Variants in TTN observed in about 807,000 individuals in gnomAD.
TTN encodes connectin.
Under a neutral mutation model 3,223.0 loss-of-function variants are expected in TTN, and 1,525 were observed. That is an observed-to-expected ratio of 0.47 (90% CI 0.45 to 0.49). TTN has a LOEUF of 0.49. Among genes scored for constraint, TTN ranks in the 20% least tolerant of loss-of-function variants. The pLI is 0.00. For missense variants in TTN, 40,786 were observed against 43,424.0 expected, an observed-to-expected ratio of 0.94 and a Z score of 5.40; for synonymous variants, 14,094 against 15,161.0, an observed-to-expected ratio of 0.93 and a Z score of 5.17.
At chr2:178,606,963 A>G (rs768226371) in intron 278 of TTN, 58 bp downstream of exon 278, 4 of 1,558,530 alleles carry the variant, frequency 2.6e-6, no homozygotes, top group Non-Finnish European at 3.4e-6. Context: ...AGCTCAGTAA[A>G]TAATATAACT....
intron 239 of TTN, 35 bp from the exon 240 acceptor site, chr2:178,629,478 CAT>C: frequency 6.2e-7 from 1 of 1,610,490 alleles, no homozygotes. Flanking sequence ...TTGCGTTACT[CAT>C]TTTGTAATCC....
chr2:178,688,443 T>G (rs1400294318), intron 126 of TTN, among the ~76,000 whole-genome samples: 1 of 152,218 alleles, frequency 6.6e-6, no homozygotes, highest in Non-Finnish European at 1.5e-5. Context: ...GTGGCCACTT[T>G]CAAAATTATA....
chr2:178,579,456 A>C, intron 319 of TTN, 63 bp from the exon 320 acceptor site: 1 of 1,561,962 alleles, frequency 6.4e-7, no homozygotes. Context: ...TTTTTCAAAT[A>C]GTTCTAGCTT....
In TTN at chr2:178,770,684, A is replaced by G. The variant is rs777900623; in HGVS notation, c.8117-9T>C. On this transcript the variant is annotated splice_polypyrimidine_tract_variant and intron_variant, in intron 34 of 362. Coordinates refer to ENST00000589042, the MANE Select transcript of TTN (RefSeq NM_001267550.2). ...CTTCTTAATTTTGACAGCTAAAGACAAATTTATGATTGGGTTAGAAAATAT... is the reference window on the plus strand; with the variant it reads ...CTTCTTAATTTTGACAGCTAAAGACGAATTTATGATTGGGTTAGAAAATAT... 5.0e-6 allele frequency: 8 copies of G among 1,608,926 alleles called. No individual in the cohort carries two copies. Among genetic ancestry groups the G allele is most frequent in the Non-Finnish European group, 6.8e-6 (8 of 1,179,896 alleles).
chr2:178,599,390 T>C lies in TTN; in HGVS notation c.56403A>G (p.Gln18801=), dbSNP rs553313488. The change falls in exon 290 of 363, where the codon CAA becomes CAG. Residue 18801 remains glutamine (Q), a synonymous_variant. Transcript: ENST00000589042. ...PIKFESVSAD[Q]MTLSWFPPKD... ...TAGGTGGAAACCAAGATAGTGTCAT[T>C]TGATCTGCTGAAACAGATTCAAATT... The C allele has an allele frequency of 5.7e-5, 91 of 1,588,244 alleles. No homozygotes were observed. The highest frequency in any genetic ancestry group is 1.6e-4 in the Admixed American group (9 of 55,710).
chr2:178,746,609 G>A (rs1163439649), intron 47 of TTN: 3 of 1,613,208 alleles, frequency 1.9e-6, no homozygotes, highest in Admixed American at 1.7e-5. Flanking sequence ...AAAGCTCTTT[G>A]CTTCCCCTAT....
chr2:178,665,847 C>A, intron 163 of TTN, 56 bp from the exon 164 acceptor site: 1 of 872,074 alleles, frequency 1.1e-6, no homozygotes, highest in Non-Finnish European at 1.5e-6. Flanking sequence ...TAAAGAGTTC[C>A]CATCTTAACT....
At chr2:178,761,406 A>G (rs2089168551) in intron 43 of TTN, among the ~76,000 whole-genome samples, 1 of 152,198 alleles carries the variant, frequency 6.6e-6, no homozygotes, top group Non-Finnish European at 1.5e-5. Flanking sequence ...AAACTTTAGC[A>G]CGGCCTTTGC....
Position 178,566,122 on chromosome 2 carries a change from T to C in TTN, c.80010A>G (p.Gly26670=). 4 of 1,613,698 alleles carry C rather than the reference T, an allele frequency of 2.5e-6. No individual in the cohort carries two copies. Among genetic ancestry groups the C allele is most frequent in the South Asian group, 1.1e-5 (1 of 91,080 alleles). Residue 26670 remains glycine, a synonymous_variant, in exon 326 of 363, where the codon GGA becomes GGG. Transcript: ENST00000589042. Reference sequence around the variant, plus strand: ...TCACAGTTACAAAAGCAGACTTTGATCCACTGCTGTTTTCCAACTTAAGAA... The same window carrying C: ...TCACAGTTACAAAAGCAGACTTTGACCCACTGCTGTTTTCCAACTTAAGAA... ...KYILKLENSS[G]SKSAFVTVKV...
Position 178,718,747 on chromosome 2 carries a change from G to A in TTN, c.24453C>T (p.Leu8151=), listed in dbSNP as rs772386098. ...QPLESGDYSC[L]VTNDAGSASC... ...AAGCACTGCCAGCATCATTTGTAAC[G>A]AGGCAAGAATAGTCTCCACTTTCTA... Residue 8151 remains leucine (L), a synonymous_variant, in exon 84 of 363, where the codon CTC becomes CTT. Transcript: ENST00000589042. 24 of 1,613,632 alleles carry A rather than the reference G, an allele frequency of 1.5e-5. No homozygotes were observed. The highest frequency in any genetic ancestry group is 1.9e-5 in the Non-Finnish European group (23 of 1,179,738).
rs1256386421 is a variant in TTN at position 178,741,389 on chromosome 2, G to A, written c.11844C>T (p.Arg3948=). 5 of 1,613,788 alleles carry A rather than the reference G, an allele frequency of 3.1e-6. No individual in the cohort carries two copies. The highest frequency in any genetic ancestry group is 4.2e-6 in the Non-Finnish European group (5 of 1,179,854). ...AGATGGCAGGAAGCCCTTGAGCACA[G>A]CGAATTGGTTTTAACTCCTTAAGGA... ...PHFLKELKPI[R]CAQGLPAIFE... is the part of the protein sequence containing the mutation. Residue 3948 remains arginine (R), a synonymous_variant, in exon 48 of 363, where the codon CGC becomes CGT. Transcript: ENST00000589042.
At position 178,555,030 on chromosome 2, in the gene TTN, C is replaced by G; in HGVS notation, c.88429G>C (p.Asp29477His). The change falls in exon 331 of 363, where the codon GAT becomes CAT. Residue 29477 changes from aspartate to histidine, a missense_variant. Coordinates refer to ENST00000589042, the MANE Select transcript of TTN (RefSeq NM_001267550.2). ...KPAPTIEWYK[D>H]DKELQTNALV... ...GCATTGGTTTGTAATTCTTTATCAT[C>G]TTTATACCACTCAATAGTAGGCGCA... The G allele has an allele frequency of 1.2e-6, 2 of 1,613,762 alleles. No individual in the cohort carries two copies. The highest frequency in any genetic ancestry group is 1.1e-5 in the South Asian group (1 of 91,076).
rs72648970 is a variant in TTN, at chr2:178,721,877, C to G, written c.22786G>C (p.Asp7596His). 0.034 allele frequency: 54,430 copies of G among 1,612,374 alleles called. 1,074 individuals carry two copies. Among genetic ancestry groups the G allele is most frequent in the South Asian group, 0.047 (4,263 of 90,778 alleles). ...ACACTGAGCTGAGCTGAGCACATGT[C>G]TTTGCCAACATCATTGGTTGCTTGG... ...TCQATNDVGK[D>H]MCSAQLSVKE... The change falls in exon 78 of 363, where the codon GAC becomes CAC. Residue 7596 changes from aspartate to histidine, a missense_variant. Physicochemically the swap from Asp to His is moderately conservative, Grantham distance 81 (BLOSUM62 -1). Transcript: ENST00000589042.
In TTN at chr2:178,540,145, C is replaced by T. The variant is rs750969198; in HGVS notation, c.98021G>A (p.Arg32674His). ...HLPQGAEYRF[R>H]VLACNAGGPG... ...TCCACCAGCATTACAAGCTAGGACG[C>T]GGAACCTGTATTCTGCACCCTGAGG... Residue 32674 changes from arginine (R) to histidine (H), a missense_variant, in exon 351 of 363, where the codon CGC becomes CAC. Coordinates refer to ENST00000589042, the MANE Select transcript of TTN (RefSeq NM_001267550.2). The T allele has an allele frequency of 3.0e-5, 49 of 1,613,364 alleles. 1 individual carries two copies. Among genetic ancestry groups the T allele is most frequent in the East Asian group, 8.9e-5 (4 of 44,876 alleles).
chr2:178,547,091 T>C lies in TTN; in HGVS notation c.94434A>G (p.Glu31478=). ...TGAGTGCATAAGTTCTGAACTGATA[T>C]TCCAGTCCTTCTACTAAACCAGTTA... The part of the protein sequence containing the change: ...YKVTGLVEGL[E]YQFRTYALNA... The change falls in exon 340 of 363, where the codon GAA becomes GAG. Residue 31478 remains glutamate (E), a synonymous_variant. Coordinates refer to ENST00000589042, the MANE Select transcript of TTN (RefSeq NM_001267550.2). 5 of 1,613,838 alleles carry C rather than the reference T, an allele frequency of 3.1e-6. No homozygotes were observed. The highest frequency in any genetic ancestry group is 1.1e-5 in the South Asian group (1 of 91,086).
At position 178,714,120 on chromosome 2, in the gene TTN, G is replaced by A; in HGVS notation, c.26538C>T (p.Thr8846=). 6.2e-7 allele frequency: 1 copy of A among 1,613,696 alleles called. No homozygotes were observed. The highest frequency in any genetic ancestry group is 8.5e-7 in the Non-Finnish European group (1 of 1,179,728). The part of the protein sequence containing the change: ...PESIKVTTGD[T]CTLECTVAGT... ...CAGCTACTGTACACTCCAAGGTACA[G>A]GTGTCTCCCGTGGTAACTTTTATGG... The change falls in exon 92 of 363, where the codon ACC becomes ACT. Residue 8846 remains threonine (T), a synonymous_variant. Transcript: ENST00000589042.
In TTN at chr2:178,704,710, A is replaced by G. The variant is rs373651676; in HGVS notation, c.29762T>C (p.Ile9921Thr). The G allele has an allele frequency of 4.3e-5, 70 of 1,611,356 alleles. No individual in the cohort carries two copies. The highest frequency in any genetic ancestry group is 5.5e-5 in the Non-Finnish European group (65 of 1,179,358). ...TTCTGGATAATTAATTTTAATGTCA[A>G]TTTCAAAGACAGCATCATTATCTTT... ...VLKDNDAVFE[I>T]DIKINYPEIK... Residue 9921 changes from isoleucine (I) to threonine (T), a missense_variant, in exon 105 of 363, where the codon ATT (isoleucine) becomes ACT (threonine). Transcript: ENST00000589042.
At position 178,706,582 on chromosome 2, in the gene TTN, A is replaced by G. The variant is rs2075908025; in HGVS notation, c.29292T>C (p.Thr9764=). 6.2e-7 allele frequency: 1 copy of G among 1,613,910 alleles called. No homozygotes were observed. The highest frequency in any genetic ancestry group is 8.5e-7 in the Non-Finnish European group (1 of 1,179,848). ...CCACGCATCGGTATAACCCAGAATC[A>G]GTTTTTGTGGTGTCCCTAATCTCCA... The part of the protein sequence containing the change: ...AKLEIRDTTK[T]DSGLYRCVAF... The change falls in exon 102 of 363, where the codon ACT becomes ACC. Residue 9764 remains threonine (T), a synonymous_variant. Transcript: ENST00000589042.
chr2:178,741,747 G>C lies in TTN; in HGVS notation c.11486C>G (p.Ala3829Gly), dbSNP rs778583163. Residue 3829 changes from alanine (A) to glycine (G), a missense_variant, in exon 48 of 363, where the codon GCT (alanine) becomes GGT (glycine). Physicochemically the swap from Ala to Gly is moderately conservative, Grantham distance 60. Transcript: ENST00000589042. ...AGCCACATCCCCCATGCTTATATCA[G>C]CATTTGACACTTCTTTGATGAAAAT... ...GPIFIKEVSN[A>G]DISMGDVATL... 1.2e-6 allele frequency: 2 copies of C among 1,613,598 alleles called. No individual in the cohort carries two copies. Among genetic ancestry groups the C allele is most frequent in the East Asian group, 2.2e-5 (1 of 44,798 alleles).
Sources: allele counts gnomAD v4.1 joint callset (sites outside exome capture counted in the v4.1 genomes callset), GRCh38; gene constraint gnomAD v4.1.1; transcripts MANE v1.5; gene names NCBI Gene and HGNC (gene_info 2026-07-23, HGNC 2026-07-21).